The following ZNF469 variants were observed in gnomAD, a reference collection of about 807,000 sequenced individuals.
ZNF469 encodes the protein zinc finger protein 469.
Under a neutral mutation model 1.0 loss-of-function variants are expected in ZNF469, and 1 was observed. That is an observed-to-expected ratio of 1.00 (90% CI 0.35 to 4.73). ZNF469 has a LOEUF of 4.73. Among genes scored for constraint, ZNF469 ranks in the 30% most tolerant of loss-of-function variants. The probability of loss-of-function intolerance (pLI) is 0.16; values close to 1 mark genes in which losing one functional copy is unlikely to be tolerated. For synonymous variants in ZNF469, 2,703 were observed against 2,363.4 expected (o/e 1.14, Z -4.17); for missense variants, 6,100 against 5,356.3 (o/e 1.14, Z -4.33).
chr16:88,433,702 G>A lies in ZNF469; in HGVS notation c.6232G>A (p.Gly2078Arg). ...CTTGACAGCAGCCCACAGCCGAAGTGGATCTGAGGGCCGGACTCCAGAGAG... is the reference window on the plus strand; with the variant it reads ...CTTGACAGCAGCCCACAGCCGAAGTAGATCTGAGGGCCGGACTCCAGAGAG... ...LALTAAHSRS[G>R]SEGRTPERAS... The change falls in exon 3 of 3, where the codon GGA becomes AGA. Residue 2078 changes from glycine (G) to arginine (R), a missense_variant. Physicochemically the swap from Gly to Arg is moderately radical, Grantham distance 125. Coordinates refer to ENST00000565624, the MANE Select transcript of ZNF469 (RefSeq NM_001367624.2). The A allele has an allele frequency of 1.9e-6, 3 of 1,549,240 alleles. No homozygotes were observed. Among genetic ancestry groups the A allele is most frequent in the Non-Finnish European group, 1.7e-6 (2 of 1,146,686 alleles).
the ZNF469 span, chr16:88,177,635 T>A: frequency 6.6e-6 from 1 of 152,236 alleles, no homozygotes; most frequent in Non-Finnish European, 1.5e-5. The surrounding 1 kb of genome is among the most constrained non-coding windows in gnomAD (Gnocchi z 4.8). Flanking sequence ...AAGGCTTGGC[T>A]TGGCTTTTCT....
upstream of ZNF469, among the ~76,000 whole-genome samples, chr16:88,380,222 C>G (rs2092517441): frequency 6.9e-6 from 1 of 144,766 alleles, no homozygotes; most frequent in African/African-American, 2.5e-5. Flanking sequence ...CACAAATGCA[C>G]TCACAGACAT....
chr16:88,430,275 G>C lies in ZNF469; in HGVS notation c.2805G>C (p.Glu935Asp). The C allele has an allele frequency of 6.6e-7, 1 of 1,516,194 alleles. No individual in the cohort carries two copies. Among genetic ancestry groups the C allele is most frequent in the South Asian group, 1.2e-5 (1 of 80,706 alleles). 93.9% of individuals were successfully genotyped at this position (1,516,194 alleles called of 1,614,324 possible). Residue 935 changes from glutamate to aspartate, a missense_variant, in exon 3 of 3, where the codon GAG (glutamate) becomes GAC (aspartate). Transcript: ENST00000565624. ...GTTCCCTGGGTCTGGCCCCCACCGA[G>C]GCGGATGCGCCCAGCCAGGGCAGGC... ...KTRSLGLAPTEADAPSQGRQQ... is the reference protein window; with the variant it reads ...KTRSLGLAPTDADAPSQGRQQ...
At chr16:88,151,345 C>T in the ZNF469 span, among the ~76,000 whole-genome samples, 10 of 152,370 alleles carry the variant, frequency 6.6e-5, no homozygotes, top group African/African-American at 2.4e-4. This position sits in a 1 kb window ranked among gnomAD's most constrained non-coding sequence, Gnocchi z 5.4. Flanking sequence ...TGTTCGGTGA[C>T]TCAGCCAAAG....
the ZNF469 span, among the ~76,000 whole-genome samples, chr16:88,120,085 G>T: frequency 6.6e-6 from 1 of 152,234 alleles, no homozygotes; most frequent in East Asian, 1.9e-4. Flanking sequence ...ACCGGGTAGA[G>T]TGTGCTGAGG....
the ZNF469 span, among the ~76,000 whole-genome samples, chr16:88,202,638 T>C: frequency 0.43 from 65,120 of 152,070 alleles, 15,408 homozygotes; most frequent in South Asian, 0.55. Flanking sequence ...AGAATGGACT[T>C]TGAGTTTCTG....
chr16:88,328,691 C>G, the ZNF469 span, among the ~76,000 whole-genome samples: 44,283 of 152,108 alleles, frequency 0.29, 6,485 homozygotes, highest in South Asian at 0.41. Context: ...TCAAGCGTTC[C>G]AGCCGGGGGG....
chr16:88,145,228 G>T, the ZNF469 span, among the ~76,000 whole-genome samples: 1 of 152,132 alleles, frequency 6.6e-6, no homozygotes, highest in Non-Finnish European at 1.5e-5. Context: ...CATGTTCAGG[G>T]AAACAGCTTT....
the ZNF469 span, among the ~76,000 whole-genome samples, chr16:88,222,048 A>G: frequency 6.6e-6 from 1 of 151,858 alleles, no homozygotes; most frequent in African/African-American, 2.4e-5. Flanking sequence ...AACCCCCCTC[A>G]TCACACTCTC....
chr16:88,186,889 C>G, the ZNF469 span, among the ~76,000 whole-genome samples: 3 of 152,014 alleles, frequency 2.0e-5, no homozygotes, highest in African/African-American at 2.4e-5. Context: ...TGCAGAGGAG[C>G]TGGCTGCCGA....
Position 88,434,838 on chromosome 16 carries a change from A to G in ZNF469, c.7368A>G (p.Ala2456=). 1 of 1,550,352 alleles carries G rather than the reference A, an allele frequency of 6.5e-7. No individual in the cohort carries two copies. Among genetic ancestry groups the G allele is most frequent in the Non-Finnish European group, 8.7e-7 (1 of 1,146,984 alleles). Residue 2456 remains alanine, a synonymous_variant, in exon 3 of 3, where the codon GCA becomes GCG. Coordinates refer to ENST00000565624, the MANE Select transcript of ZNF469 (RefSeq NM_001367624.2). ...CCCGTGGCTATAAAAAGAAGCCTGC[A>G]TCTACAGAGAACGGCCAGTGGAAGG... The part of the protein sequence containing the change: ...QRSRGYKKKP[A]STENGQWKGQ...
chr16:88,233,139 C>G, the ZNF469 span, among the ~76,000 whole-genome samples: 1 of 152,224 alleles, frequency 6.6e-6, no homozygotes, highest in African/African-American at 2.4e-5. Context: ...GGAACTGAGG[C>G]CGTGTGAAGG....
Position 88,383,161 on chromosome 16 carries a change from G to A in ZNF469, c.-285G>A, listed in dbSNP as rs560475825. Among the ~76,000 whole-genome samples, 16 of 148,190 alleles carry A rather than the reference G, an allele frequency of 1.1e-4. No individual in the cohort carries two copies. The South Asian group carries it at 3.3e-3, about 31-fold the overall frequency. On this transcript the variant is annotated 5_prime_UTR_variant, in exon 1 of 3. Coordinates refer to ENST00000565624, the MANE Select transcript of ZNF469 (RefSeq NM_001367624.2). ...CGGGCGGGCCTGCGGTCGGGATGAG[G>A]ACGGCGCCTCCGCTGCAGAGCGCTG...
chr16:88,132,684 T>G, the ZNF469 span, among the ~76,000 whole-genome samples: 1 of 152,110 alleles, frequency 6.6e-6, no homozygotes, highest in East Asian at 1.9e-4. Context: ...CAGATTCAAG[T>G]TTTCAAACTA....
the ZNF469 span, among the ~76,000 whole-genome samples, chr16:88,110,017 C>A: frequency 2.9e-3 from 443 of 152,368 alleles, 1 homozygote; most frequent in Admixed American, 6.9e-3. Context: ...TGCAAACAGC[C>A]TCCCAGAAAC....
the ZNF469 span, among the ~76,000 whole-genome samples, chr16:88,182,351 T>A: frequency 6.6e-6 from 1 of 151,806 alleles, no homozygotes. Context: ...TCATCAGACT[T>A]TTTTTTTCTT....
At chr16:88,313,123 C>T in the ZNF469 span, among the ~76,000 whole-genome samples, 28 of 152,314 alleles carry the variant, frequency 1.8e-4, no homozygotes, top group South Asian at 2.5e-3. Context: ...AGCATCCCTC[C>T]GCTGTGCCTC....
At chr16:88,120,703 C>G in the ZNF469 span, among the ~76,000 whole-genome samples, 8 of 152,234 alleles carry the variant, frequency 5.3e-5, no homozygotes, top group Non-Finnish European at 1.2e-4. Flanking sequence ...CGTCAGGACA[C>G]GTGGCAGCTC....
chr16:88,148,985 C>CA, the ZNF469 span, among the ~76,000 whole-genome samples: 2 of 152,172 alleles, frequency 1.3e-5, no homozygotes, highest in Non-Finnish European at 2.9e-5. Context: ...GCCACCATAT[C>CA]ACATCCTCAA....
Sources: allele counts gnomAD v4.1 joint callset (sites outside exome capture counted in the v4.1 genomes callset), GRCh38; gene constraint gnomAD v4.1.1; non-coding constraint Gnocchi (gnomAD v3.1); transcripts MANE v1.5; gene names NCBI Gene and HGNC (gene_info 2026-07-23, HGNC 2026-07-21).